EBI3: variants seen among roughly 807,000 people sequenced by gnomAD.
EBI3 encodes the protein interleukin-27 subunit beta.
EBI3 carries 19 observed loss-of-function variants against 21.3 expected under a neutral mutation model. The ratio of observed to expected loss-of-function variants is 0.89; its 90% CI spans 0.62 to 1.31. The LOEUF is 1.31. Among genes scored for constraint, EBI3 ranks in the 50% most tolerant of loss-of-function variants. The probability of loss-of-function intolerance (pLI) is 0.00; values close to 1 mark genes in which losing one functional copy is unlikely to be tolerated. For synonymous variants in EBI3, 154 were observed against 131.2 expected, an observed-to-expected ratio of 1.17 and a Z score of -1.19; for missense variants, 331 against 314.0, an observed-to-expected ratio of 1.05 and a Z score of -0.41.
At chr19:4,235,301 G>A (rs1239827821) in intron 4 of EBI3, among the ~76,000 whole-genome samples, 1 of 141,106 alleles carries the variant, frequency 7.1e-6, no homozygotes, top group Non-Finnish European at 1.5e-5. Context: ...TTACAGGCGT[G>A]AGCCACCGAA....
chr19:4,234,184 C>T (rs530386339), intron 3 of EBI3, among the ~76,000 whole-genome samples: 1 of 151,906 alleles, frequency 6.6e-6, no homozygotes. Flanking sequence ...CCAGCCTGGG[C>T]GAGAGAGCGA....
In EBI3 at chr19:4,232,787, T is replaced by G. The variant is rs143568740; in HGVS notation, c.201-342T>G. ...ATGAAGGAATGAATTAATGAATGAA[T>G]GAAGGAATGAATTAATGAATGAATG... On this transcript the variant is annotated intron_variant, in intron 2 of 4. Coordinates refer to ENST00000221847, the MANE Select transcript of EBI3 (RefSeq NM_005755.3). 5.9e-5 allele frequency among the ~76,000 whole-genome samples: 8 copies of G among 134,478 alleles called. No homozygotes were observed. In the South Asian group the frequency reaches 1.7e-3, roughly 29 times the overall value. 88.2% of individuals were successfully genotyped at this position (134,478 alleles called of 152,430 possible).
intron 2 of EBI3, 135 bp downstream of exon 2, chr19:4,231,458 C>T (rs1281390335): frequency 8.6e-6 from 11 of 1,281,428 alleles, no homozygotes; most frequent in East Asian, 2.8e-5. Flanking sequence ...AATTCTAGGG[C>T]GGCCCCGTCC....
intron 2 of EBI3, among the ~76,000 whole-genome samples, chr19:4,231,739 C>G (rs1240225520): frequency 2.7e-5 from 4 of 145,888 alleles, no homozygotes; most frequent in Non-Finnish European, 6.0e-5. Context: ...CCATTGCACT[C>G]CAGCCTGGGC....
chr19:4,229,818 T>G (rs956192756), intron 1 of EBI3, among the ~76,000 whole-genome samples: 1 of 152,178 alleles, frequency 6.6e-6, no homozygotes, highest in African/African-American at 2.4e-5. Flanking sequence ...TGTCACCTTG[T>G]GGGTGATAGG....
intron 3 of EBI3, 148 bp downstream of exon 3, chr19:4,233,455 T>G: frequency 1.1e-6 from 1 of 903,914 alleles, no homozygotes; most frequent in Non-Finnish European, 1.6e-6. Context: ...CCTCTACCAG[T>G]ACGTGGAGCA....
At chr19:4,232,990 A>G in intron 2 of EBI3, 139 bp from the exon 3 acceptor site, 1 of 1,015,298 alleles carries the variant, frequency 9.8e-7, no homozygotes, top group Non-Finnish European at 1.4e-6. Flanking sequence ...GGCCACCACC[A>G]GGACCCCACC....
chr19:4,234,952 TC>T, intron 4 of EBI3, 128 bp downstream of exon 4: 1 of 1,347,322 alleles, frequency 7.4e-7, no homozygotes, highest in Non-Finnish European at 1.0e-6. Context: ...ATAAGAGCAG[TC>T]CAGCAATCTG....
chr19:4,233,902 T>A (rs538577871), intron 3 of EBI3, among the ~76,000 whole-genome samples: 4 of 152,280 alleles, frequency 2.6e-5, no homozygotes, highest in African/African-American at 9.6e-5. Flanking sequence ...CCTGAGTAGA[T>A]TATTAAAAAT....
In EBI3 at chr19:4,232,892, A is replaced by G. The variant is rs78668984; in HGVS notation, c.201-237A>G. Reference sequence around the variant, plus strand: ...AGAAACCTTTAGAATCCCGGACCCTAGCATCTAGCTTGGGTTGTAATCCCC... The same window carrying G: ...AGAAACCTTTAGAATCCCGGACCCTGGCATCTAGCTTGGGTTGTAATCCCC... On this transcript the variant is annotated intron_variant, in intron 2 of 4. Transcript: ENST00000221847. 5.5e-3 allele frequency: 2,377 copies of G among 435,526 alleles called. 12 individuals are homozygous for G. The highest frequency in any genetic ancestry group is 0.019 in the Middle Eastern group (33 of 1,742). The allele number at this position is 435,526 out of a possible 1,614,324, so 27.0% of individuals were successfully genotyped here.
chr19:4,229,664 G>C (rs1970765069), intron 1 of EBI3, 47 bp downstream of exon 1: 1 of 1,553,390 alleles, frequency 6.4e-7, no homozygotes, highest in Non-Finnish European at 8.7e-7. Context: ...AGACGGACAT[G>C]ACACGAGGAC....
In EBI3 at chr19:4,233,253, G is replaced by A. The variant is rs753728633; in HGVS notation, c.325G>A (p.Val109Ile). 5.6e-6 allele frequency: 9 copies of A among 1,612,000 alleles called. No homozygotes were observed. Among genetic ancestry groups the A allele is most frequent in the Middle Eastern group, 1.6e-4 (1 of 6,062 alleles). Residue 109 changes from valine to isoleucine, a missense_variant, in exon 3 of 5, where the codon GTC becomes ATC. Transcript: ENST00000221847. ...MAPYVLNVTA[V>I]HPWGSSSSFV... The stretch of plus-strand genomic sequence containing the variant: ...TCCCTACGTGCTCAATGTCACCGCC[G>A]TCCACCCCTGGGGCTCCAGCAGCAG...
Position 4,237,188 on chromosome 19 carries a change from G to A in EBI3, c.*100G>A. On this transcript the variant is annotated 3_prime_UTR_variant, in exon 5 of 5. Transcript: ENST00000221847. ...GGATGGGATCTGCCTAGCCTGGGCT[G>A]GAGTCCTTGCTTTGCTGCTGCTGAG... 7.4e-7 allele frequency: 1 copy of A among 1,359,806 alleles called. No individual in the cohort carries two copies. Among genetic ancestry groups the A allele is most frequent in the Non-Finnish European group, 9.5e-7 (1 of 1,047,594 alleles). The allele number at this position is 1,359,806 out of a possible 1,614,324, so 84.2% of individuals were successfully genotyped here.
intron 4 of EBI3, among the ~76,000 whole-genome samples, chr19:4,236,543 A>G (rs1395485578): frequency 6.7e-6 from 1 of 149,672 alleles, no homozygotes; most frequent in Non-Finnish European, 1.5e-5. Context: ...AAAAAAAAAA[A>G]GCATGGTTAA....
chr19:4,232,939 C>T (rs890805595), intron 2 of EBI3, 190 bp from the exon 3 acceptor site: 1 of 553,740 alleles, frequency 1.8e-6, no homozygotes, highest in Admixed American at 3.9e-5. Flanking sequence ...TCAGGGGCAC[C>T]GTGATGTTGG....
chr19:4,233,567 C>T (rs117845724), intron 3 of EBI3, among the ~76,000 whole-genome samples: 6,011 of 152,136 alleles, frequency 0.04, 188 homozygotes, highest in Non-Finnish European at 0.054. Context: ...GCACCTGAGT[C>T]AGGGCACGTC....
chr19:4,230,470 G>A (rs775584352), intron 1 of EBI3, among the ~76,000 whole-genome samples: 6 of 152,140 alleles, frequency 3.9e-5, no homozygotes, highest in Non-Finnish European at 7.3e-5. Context: ...TACTTGGGAG[G>A]CTGAGGTGGG....
Position 4,231,261 on chromosome 19 carries a change from C to T in EBI3, c.138C>T (p.Cys46=), listed in dbSNP as rs1371225314. The T allele has an allele frequency of 1.2e-6, 2 of 1,613,350 alleles. No individual in the cohort carries two copies. Among genetic ancestry groups the T allele is most frequent in the East Asian group, 2.2e-5 (1 of 44,786 alleles). ...CTCGGTACCCGATCGCCGTGGATTGCTCCTGGACCCTGCCGCCTGCTCCAA... is the reference window on the plus strand; with the variant it reads ...CTCGGTACCCGATCGCCGTGGATTGTTCCTGGACCCTGCCGCCTGCTCCAA... ...RASRYPIAVD[C]SWTLPPAPNS... Residue 46 remains cysteine (C), a synonymous_variant, in exon 2 of 5, where the codon TGC becomes TGT. Coordinates refer to ENST00000221847, the MANE Select transcript of EBI3 (RefSeq NM_005755.3).
chr19:4,233,999 G>GT (rs1203414727), intron 3 of EBI3, among the ~76,000 whole-genome samples: 1 of 152,166 alleles, frequency 6.6e-6, no homozygotes, highest in African/African-American at 2.4e-5. Flanking sequence ...GAGGTCAGGA[G>GT]TTTGAGACCA....
Sources: allele counts gnomAD v4.1 joint callset (sites outside exome capture counted in the v4.1 genomes callset), GRCh38; gene constraint gnomAD v4.1.1; transcripts MANE v1.5; gene names NCBI Gene and HGNC (gene_info 2026-07-23, HGNC 2026-07-21).